SLC9C2: variants seen among roughly 807,000 people sequenced by gnomAD.
SLC9C2 encodes the protein solute carrier family 9 member C2 (putative).
A neutral mutation model predicts 140.2 loss-of-function variants in SLC9C2; 75 were observed. The ratio of observed to expected loss-of-function variants is 0.53; its 90% CI spans 0.44 to 0.65. The LOEUF (loss-of-function observed/expected upper bound fraction) is 0.65, where lower values mean the gene tolerates loss of function less well. SLC9C2 is among the 30% of genes least tolerant of loss of function. SLC9C2 has a pLI of 0.00. For synonymous variants in SLC9C2, 375 were observed against 420.9 expected, an observed-to-expected ratio of 0.89 and a Z score of 1.34; for missense variants, 1,074 against 1,331.8, an observed-to-expected ratio of 0.81 and a Z score of 3.01.
chr1:173,540,686 A>C (rs1406553332), intron 13 of SLC9C2, among the ~76,000 whole-genome samples: 1 of 152,238 alleles, frequency 6.6e-6, no homozygotes, highest in East Asian at 1.9e-4. Context: ...CTAGATTTCT[A>C]ATATTCCAGG....
chr1:173,516,061 G>A (rs1407074725), intron 23 of SLC9C2, among the ~76,000 whole-genome samples: 1 of 152,190 alleles, frequency 6.6e-6, no homozygotes, highest in African/African-American at 2.4e-5. Flanking sequence ...CTCTGACCTT[G>A]AGGGGCACCG....
chr1:173,548,364 T>C, intron 12 of SLC9C2, 25 bp downstream of exon 12: 1 of 1,599,086 alleles, frequency 6.3e-7, no homozygotes, highest in Non-Finnish European at 8.5e-7. Context: ...AAAGGAAAAC[T>C]ACTTTTTGCC....
At chr1:173,600,013 G>T in intron 3 of SLC9C2, 104 bp downstream of exon 3, 2 of 680,396 alleles carry the variant, frequency 2.9e-6, no homozygotes, top group African/African-American at 1.8e-5. Context: ...TTGAGTAGCT[G>T]TTCCCATAAG....
intron 5 of SLC9C2, among the ~76,000 whole-genome samples, chr1:173,584,413 A>T (rs1665731980): frequency 6.6e-6 from 1 of 152,158 alleles, no homozygotes; most frequent in South Asian, 2.1e-4. Flanking sequence ...AAGACTTTTA[A>T]CAATTTTGTA....
chr1:173,529,156 C>T (rs1012466449), intron 18 of SLC9C2, among the ~76,000 whole-genome samples: 14 of 152,098 alleles, frequency 9.2e-5, no homozygotes, highest in African/African-American at 3.4e-4. Context: ...AAATCTGTAA[C>T]CTGGAAAATC....
chr1:173,552,479 C>T (rs1663380630), intron 11 of SLC9C2, among the ~76,000 whole-genome samples: 2 of 152,216 alleles, frequency 1.3e-5, no homozygotes, highest in Admixed American at 1.3e-4. Flanking sequence ...GACAGACTAA[C>T]TCTTGTTAGG....
rs1666533903 is a variant in SLC9C2 at position 173,597,892 on chromosome 1, ATG to A, written c.357+10_357+11del. On this transcript the variant is annotated intron_variant, in intron 4 of 27. Transcript: ENST00000367714. ...AAGAATTGATCGTACTTTGTTTTAA[ATG>A]TGTTCTTACCTGCCAAAACATTTTC... is the stretch of plus-strand genomic sequence containing the variant. 3 of 1,570,688 alleles carry A rather than the reference ATG, an allele frequency of 1.9e-6. No individual in the cohort carries two copies. The highest frequency in any genetic ancestry group is 1.7e-6 in the Non-Finnish European group (2 of 1,160,278).
intron 4 of SLC9C2, among the ~76,000 whole-genome samples, chr1:173,592,353 T>A (rs916064374): frequency 1.3e-5 from 2 of 152,252 alleles, no homozygotes; most frequent in Non-Finnish European, 2.9e-5. Context: ...GGGTCTTTTT[T>A]GGTTCCACAT....
intron 8 of SLC9C2, among the ~76,000 whole-genome samples, chr1:173,574,375 T>G (rs1451635479): frequency 6.6e-6 from 1 of 152,170 alleles, no homozygotes; most frequent in Non-Finnish European, 1.5e-5. Context: ...GTTCTCCAAG[T>G]GATTTCTATC....
intron 13 of SLC9C2, among the ~76,000 whole-genome samples, chr1:173,542,581 C>A (rs561759435): frequency 2.6e-5 from 4 of 152,032 alleles, no homozygotes; most frequent in Non-Finnish European, 4.4e-5. Flanking sequence ...GACTAATATC[C>A]CTGATGAACA....
At chr1:173,569,709 C>T (rs1335971886) in intron 9 of SLC9C2, among the ~76,000 whole-genome samples, 1 of 151,938 alleles carries the variant, frequency 6.6e-6, no homozygotes, top group Non-Finnish European at 1.5e-5. Flanking sequence ...ATTCTTTCTT[C>T]TCAAGCAATT....
intron 10 of SLC9C2, chr1:173,555,363 T>C (rs943215643): frequency 2.0e-5 from 3 of 152,458 alleles, no homozygotes; most frequent in East Asian, 1.9e-4. Flanking sequence ...AGCCATGTGA[T>C]TGGGGGGCAG....
At chr1:173,529,125 A>T (rs1461022) in intron 18 of SLC9C2, among the ~76,000 whole-genome samples, 77,144 of 152,066 alleles carry the variant, frequency 0.51, 21,294 homozygotes, top group East Asian at 0.95. Flanking sequence ...AACAGAAGAA[A>T]GAACACAACT....
chr1:173,576,523 T>C (rs967458513), intron 8 of SLC9C2, 138 bp downstream of exon 8: 1 of 560,840 alleles, frequency 1.8e-6, no homozygotes, highest in African/African-American at 1.9e-5. Context: ...TCTTTTCAAA[T>C]ATAACTGATA....
intron 5 of SLC9C2, among the ~76,000 whole-genome samples, chr1:173,584,774 C>T (rs543344011): frequency 2.6e-5 from 4 of 152,076 alleles, no homozygotes; most frequent in East Asian, 3.8e-4. Flanking sequence ...TCTTTTCTTT[C>T]GGGGACTCAT....
At chr1:173,587,088 A>C (rs1001878158) in intron 5 of SLC9C2, among the ~76,000 whole-genome samples, 1 of 152,096 alleles carries the variant, frequency 6.6e-6, no homozygotes, top group African/African-American at 2.4e-5. Flanking sequence ...CTTCCACCTT[A>C]CCAAATAATA....
At chr1:173,599,461 G>C (rs1226455659) in intron 3 of SLC9C2, among the ~76,000 whole-genome samples, 1 of 129,712 alleles carries the variant, frequency 7.7e-6, no homozygotes, top group Non-Finnish European at 1.6e-5. Flanking sequence ...TGCAAGCTCC[G>C]TCTCCTGGGT....
intron 23 of SLC9C2, among the ~76,000 whole-genome samples, chr1:173,511,262 C>T (rs893962834): frequency 9.2e-5 from 14 of 151,906 alleles, no homozygotes; most frequent in African/African-American, 2.9e-4. Context: ...AATCTCTTGA[C>T]CTCATGATCC....
chr1:173,545,236 C>G (rs1423239722), intron 13 of SLC9C2, among the ~76,000 whole-genome samples: 1 of 152,172 alleles, frequency 6.6e-6, no homozygotes, highest in Admixed American at 6.5e-5. Context: ...CGGACTAAAC[C>G]AGAGTCATGG....
Sources: gnomAD v4.1 joint callset for allele counts (sites outside exome capture counted in the v4.1 genomes callset) on GRCh38, gnomAD v4.1.1 for gene constraint, MANE v1.5 for transcripts, NCBI Gene and HGNC (gene_info 2026-07-23, HGNC 2026-07-21) for gene names.